The following TBC1D22B variants were observed in gnomAD, a reference collection of about 807,000 sequenced individuals.
The protein encoded by TBC1D22B is TBC1 domain family member 22B.
TBC1D22B carries 32 observed loss-of-function variants against 69.1 expected under a neutral mutation model. The observed-to-expected ratio is 0.46, with a 90% CI of 0.35 to 0.62. The LOEUF is 0.62. Ranked by LOEUF, TBC1D22B falls within the 20% of genes least tolerant of loss-of-function variation. TBC1D22B has a pLI of 0.00. For missense variants in TBC1D22B, 462 were observed against 630.9 expected (o/e 0.73, Z 2.87); for synonymous variants, 206 against 229.8 (o/e 0.90, Z 0.94).
intron 12 of TBC1D22B, among the ~76,000 whole-genome samples, chr6:37,318,651 A>G (rs542720755): frequency 6.6e-6 from 1 of 152,270 alleles, no homozygotes; most frequent in South Asian, 2.1e-4. Context: ...CAGGGAGCAG[A>G]GGTGGCTGAG....
intron 6 of TBC1D22B, among the ~76,000 whole-genome samples, chr6:37,286,645 G>T (rs963123372): frequency 6.9e-6 from 1 of 145,610 alleles, no homozygotes; most frequent in African/African-American, 2.5e-5. Context: ...AAAAAAAATT[G>T]TCAAAAGAAC....
In TBC1D22B at chr6:37,312,999, T is replaced by C; in HGVS notation, c.1064T>C (p.Met355Thr). 1 of 1,614,150 alleles carries C rather than the reference T, an allele frequency of 6.2e-7. No homozygotes were observed. Among genetic ancestry groups the C allele is most frequent in the Non-Finnish European group, 8.5e-7 (1 of 1,179,966 alleles). ...RSIEADSFWC[M>T]SKLLDGIQDN... Reference sequence around the variant, plus strand: ...ATTGAGGCTGACAGCTTTTGGTGCATGAGCAAGCTGCTGGATGGAATCCAG... The same window carrying C: ...ATTGAGGCTGACAGCTTTTGGTGCACGAGCAAGCTGCTGGATGGAATCCAG... Residue 355 changes from methionine to threonine, a missense_variant, in exon 9 of 13, where the codon ATG becomes ACG. Met to Thr is a moderately conservative substitution (Grantham distance 81). This residue lies in a region of TBC1D22B where 225 missense variants were observed against 375.4 expected (regional missense o/e 0.60). Transcript: ENST00000373491.
chr6:37,320,105 A>C (rs1263118456), intron 12 of TBC1D22B, among the ~76,000 whole-genome samples: 1 of 152,254 alleles, frequency 6.6e-6, no homozygotes, highest in East Asian at 1.9e-4. Flanking sequence ...CAGCAGTTTT[A>C]GCAGACCAGC....
At chr6:37,326,899 TGAG>T (rs999253765) in intron 12 of TBC1D22B, among the ~76,000 whole-genome samples, 5 of 152,340 alleles carry the variant, frequency 3.3e-5, no homozygotes, top group African/African-American at 1.2e-4. Flanking sequence ...ACCATTATTC[TGAG>T]GAGATTGATG....
In TBC1D22B at chr6:37,289,155, C is replaced by T. The variant is rs144356061; in HGVS notation, c.867+2083C>T. 5.4e-3 allele frequency among the ~76,000 whole-genome samples: 829 copies of T among 152,294 alleles called. 7 individuals carry two copies. Among genetic ancestry groups the T allele is most frequent in the African/African-American group, 0.018 (764 of 41,554 alleles). ...CAAGCAATTCTTTCTGCTTCTGCCTCTCAAAATGCTGGAATTACAAGGCGT... is the reference window on the plus strand; with the variant it reads ...CAAGCAATTCTTTCTGCTTCTGCCTTTCAAAATGCTGGAATTACAAGGCGT... On this transcript the variant is annotated intron_variant, in intron 7 of 12. Transcript: ENST00000373491.
chr6:37,291,507 C>T, intron 8 of TBC1D22B, 150 bp downstream of exon 8: 1 of 553,470 alleles, frequency 1.8e-6, no homozygotes. Flanking sequence ...CTACTTTTAA[C>T]AGCGGTTGCT....
intron 3 of TBC1D22B, 147 bp from the exon 4 acceptor site, chr6:37,282,038 C>CT: frequency 1.2e-6 from 1 of 846,160 alleles, no homozygotes; most frequent in Non-Finnish European, 1.9e-6. Context: ...TGGCCCCTCG[C>CT]TGCCCTTCAG....
At chr6:37,330,582 G>C (rs982167362) in intron 12 of TBC1D22B, among the ~76,000 whole-genome samples, 1 of 152,088 alleles carries the variant, frequency 6.6e-6, no homozygotes, top group Admixed American at 6.6e-5. Flanking sequence ...GGAGTTCAAG[G>C]CTGCAGCAAG....
At chr6:37,297,899 C>T (rs1167286285) in intron 8 of TBC1D22B, among the ~76,000 whole-genome samples, 2 of 152,150 alleles carry the variant, frequency 1.3e-5, no homozygotes, top group Non-Finnish European at 2.9e-5. Context: ...TTTGCAGGGA[C>T]ATGGATGAAG....
At chr6:37,298,539 G>GTTTTTTTT (rs34996865) in intron 8 of TBC1D22B, among the ~76,000 whole-genome samples, 5 of 71,258 alleles carry the variant, frequency 7.0e-5, no homozygotes, top group East Asian at 4.3e-4. Context: ...GTTGCCTACA[G>GTTTTTTTT]TTTTTTTTTT....
chr6:37,273,507 C>T (rs780713606), intron 2 of TBC1D22B, among the ~76,000 whole-genome samples: 101 of 152,350 alleles, frequency 6.6e-4, no homozygotes, highest in Non-Finnish European at 1.4e-3. Context: ...GACAGATCTT[C>T]AGGAATATTT....
intron 8 of TBC1D22B, among the ~76,000 whole-genome samples, chr6:37,300,512 C>A (rs1203839140): frequency 6.6e-6 from 1 of 152,116 alleles, no homozygotes; most frequent in Non-Finnish European, 1.5e-5. Context: ...CAGGCATCGC[C>A]ACTATGCCTG....
intron 10 of TBC1D22B, among the ~76,000 whole-genome samples, chr6:37,314,867 AT>A (rs1447217414): frequency 7.0e-6 from 1 of 143,812 alleles, no homozygotes; most frequent in Non-Finnish European, 1.5e-5. Flanking sequence ...CACTCACTCT[AT>A]TTTATGACTT....
At chr6:37,308,144 T>TA (rs1282695193) in intron 8 of TBC1D22B, among the ~76,000 whole-genome samples, 1 of 152,204 alleles carries the variant, frequency 6.6e-6, no homozygotes, top group Non-Finnish European at 1.5e-5. Flanking sequence ...CCTTGCCTTT[T>TA]AAAATAGCCA....
chr6:37,319,181 C>G (rs983692884), intron 12 of TBC1D22B, among the ~76,000 whole-genome samples: 2 of 152,212 alleles, frequency 1.3e-5, no homozygotes, highest in Non-Finnish European at 2.9e-5. Context: ...TGAGTAGATG[C>G]TAGCCATGGT....
At chr6:37,306,470 C>A (rs749102799) in intron 8 of TBC1D22B, among the ~76,000 whole-genome samples, 10 of 152,180 alleles carry the variant, frequency 6.6e-5, no homozygotes, top group Admixed American at 2.0e-4. Context: ...GGTCTTTGGG[C>A]AGGTCCTAGA....
At chr6:37,317,336 T>G in intron 12 of TBC1D22B, 130 bp downstream of exon 12, 1 of 861,210 alleles carries the variant, frequency 1.2e-6, no homozygotes, top group Non-Finnish European at 1.8e-6. Context: ...GAAGGGGTGC[T>G]CTGAAGGGGT....
At chr6:37,265,198 G>T (rs111603558) in intron 1 of TBC1D22B, among the ~76,000 whole-genome samples, 1 of 152,198 alleles carries the variant, frequency 6.6e-6, no homozygotes, top group African/African-American at 2.4e-5. Context: ...TCCTGGCTAT[G>T]CCAGCACCTT....
chr6:37,312,395 C>T (rs1486796448), intron 8 of TBC1D22B, among the ~76,000 whole-genome samples: 1 of 152,202 alleles, frequency 6.6e-6, no homozygotes, highest in Non-Finnish European at 1.5e-5. Flanking sequence ...TCTTCCTTTA[C>T]ATGCATACCT....
Sources: gnomAD v4.1 joint callset for allele counts (sites outside exome capture counted in the v4.1 genomes callset) on GRCh38, gnomAD v4.1.1 for gene constraint, gnomAD v4.1.1 regional missense constraint, MANE v1.5 for transcripts, NCBI Gene and HGNC (gene_info 2026-07-23, HGNC 2026-07-21) for gene names.